SMS: variants seen among roughly 807,000 people sequenced by gnomAD.
SMS encodes spermine synthase.
A neutral mutation model predicts 33.0 loss-of-function variants in SMS; 3 were observed. The ratio of observed to expected loss-of-function variants is 0.09; its 90% CI spans 0.04 to 0.23. The LOEUF (loss-of-function observed/expected upper bound fraction) is 0.23, where lower values mean the gene tolerates loss of function less well. SMS is among the 10% of genes least tolerant of loss of function. The pLI is 1.00. For missense variants in SMS, 117 were observed against 288.6 expected, an observed-to-expected ratio of 0.41 and a Z score of 4.31; for synonymous variants, 103 against 112.2, an observed-to-expected ratio of 0.92 and a Z score of 0.52.
chrX:21,967,698 A>G (rs1182872404), intron 2 of SMS, among the ~76,000 whole-genome samples: 1 of 111,966 alleles, frequency 8.9e-6, no homozygotes, highest in Non-Finnish European at 1.9e-5. Flanking sequence ...GAGGTAGATG[A>G]GTGTCATTAC....
intron 10 of SMS, among the ~76,000 whole-genome samples, chrX:21,992,934 C>T (rs770328958): frequency 8.9e-6 from 1 of 112,018 alleles, no homozygotes; most frequent in Non-Finnish European, 1.9e-5. Context: ...TCTGGCTTGC[C>T]ACAGCTTTCC....
intron 1 of SMS, among the ~76,000 whole-genome samples, chrX:21,948,246 A>T (rs1184354811): frequency 9.0e-6 from 1 of 111,088 alleles, no homozygotes; most frequent in African/African-American, 3.3e-5. Context: ...TGTAATCCTC[A>T]TCTAGTTCTC....
intron 1 of SMS, among the ~76,000 whole-genome samples, chrX:21,947,411 C>T (rs901849707): frequency 9.0e-6 from 1 of 111,642 alleles, no homozygotes; most frequent in Non-Finnish European, 1.9e-5. Flanking sequence ...ATCTGCCTCA[C>T]AGTAATTCTG....
chrX:21,945,927 T>A (rs140473744), intron 1 of SMS, among the ~76,000 whole-genome samples: 201 of 111,509 alleles, frequency 1.8e-3, no homozygotes, highest in Non-Finnish European at 3.5e-3. Context: ...CCAGCTCATG[T>A]GCTTCTTTAT....
At chrX:21,985,598 T>C (rs926801563) in intron 9 of SMS, among the ~76,000 whole-genome samples, 2 of 112,060 alleles carry the variant, frequency 1.8e-5, no homozygotes, top group African/African-American at 6.5e-5. Flanking sequence ...ACTTTAAAGA[T>C]TACATTAATT....
At chrX:21,950,616 G>C (rs1230276958) in intron 1 of SMS, among the ~76,000 whole-genome samples, 1 of 107,303 alleles carries the variant, frequency 9.3e-6, no homozygotes, top group Non-Finnish European at 1.9e-5. Flanking sequence ...CCCCTGACAG[G>C]CCCAGGTGTA....
intron 1 of SMS, chrX:21,959,848 G>T (rs1923217074): frequency 1.6e-6 from 1 of 628,373 alleles, no homozygotes; most frequent in African/African-American, 2.4e-5. Context: ...CCCTTGCGGG[G>T]GAGTTGCAGA....
At chrX:21,955,751 C>T (rs1041202298) in intron 1 of SMS, among the ~76,000 whole-genome samples, 2 of 111,696 alleles carry the variant, frequency 1.8e-5, no homozygotes, top group African/African-American at 3.3e-5. Context: ...TGAAGAGCAT[C>T]GTAGGATACC....
chrX:21,942,365 G>A (rs1487502083), intron 1 of SMS, among the ~76,000 whole-genome samples: 1 of 110,534 alleles, frequency 9.0e-6, no homozygotes, highest in Admixed American at 9.7e-5. Flanking sequence ...GGCTCTGCGT[G>A]TGGCCTTGGG....
chrX:21,941,382 TG>T (rs1479887181), intron 1 of SMS: 2 of 229,136 alleles, frequency 8.7e-6, no homozygotes, highest in Non-Finnish European at 1.6e-5. Flanking sequence ...ATTTCCCTCT[TG>T]GGGGCGGGGG....
chrX:21,952,260 A>T (rs1922653509), intron 1 of SMS, among the ~76,000 whole-genome samples: 1 of 111,493 alleles, frequency 9.0e-6, no homozygotes, highest in Non-Finnish European at 1.9e-5. Flanking sequence ...TTTTTTGTAG[A>T]TACCCTTTAT....
At chrX:21,993,734 C>T (rs1361521814) in intron 10 of SMS, among the ~76,000 whole-genome samples, 10 of 112,616 alleles carry the variant, frequency 8.9e-5, no homozygotes, top group Non-Finnish European at 1.9e-5. Flanking sequence ...CAACTGTCCA[C>T]CTTTGTTTAG....
At chrX:21,968,027 C>T (rs1477222243) in intron 2 of SMS, among the ~76,000 whole-genome samples, 1 of 112,438 alleles carries the variant, frequency 8.9e-6, no homozygotes, top group African/African-American at 3.2e-5. Context: ...GGGGTGCCCA[C>T]CACCTGTGGG....
chrX:21,962,715 G>T (rs1271882068), intron 1 of SMS, among the ~76,000 whole-genome samples: 2 of 111,517 alleles, frequency 1.8e-5, no homozygotes, highest in Non-Finnish European at 3.8e-5. Context: ...AAGTGAGGTG[G>T]CACAATCATG....
At chrX:21,942,883 A>G (rs1921921344) in intron 1 of SMS, among the ~76,000 whole-genome samples, 2 of 97,678 alleles carry the variant, frequency 2.0e-5, no homozygotes, top group South Asian at 9.9e-4. Context: ...TCTGTCGCCC[A>G]GGTTGGAGTG....
chrX:21,993,511 T>C (rs1925893806), intron 10 of SMS, among the ~76,000 whole-genome samples: 1 of 112,753 alleles, frequency 8.9e-6, no homozygotes, highest in African/African-American at 3.2e-5. Flanking sequence ...CAGGGTTTTT[T>C]TGCTGTCAAG....
intron 1 of SMS, among the ~76,000 whole-genome samples, chrX:21,957,453 C>T (rs1602189531): frequency 4.5e-5 from 5 of 110,945 alleles, no homozygotes; most frequent in Non-Finnish European, 1.9e-5. Context: ...CCTGCCACCA[C>T]ACCCGGCTAG....
chrX:21,985,271 T>A, intron 9 of SMS, 48 bp downstream of exon 9: 1 of 778,813 alleles, frequency 1.3e-6, no homozygotes, highest in East Asian at 3.2e-5. Flanking sequence ...AAGACTTTCC[T>A]GTTTTGAAAT....
chrX:21,963,752 C>T (rs957794050), intron 1 of SMS, among the ~76,000 whole-genome samples: 9 of 112,080 alleles, frequency 8.0e-5, no homozygotes, highest in African/African-American at 2.6e-4. Flanking sequence ...GTCAATTACA[C>T]GCAGGGTGGC....
Sources: allele counts gnomAD v4.1 joint callset (sites outside exome capture counted in the v4.1 genomes callset), GRCh38; gene constraint gnomAD v4.1.1; transcripts MANE v1.5; gene names NCBI Gene and HGNC (gene_info 2026-07-23, HGNC 2026-07-21).